Variants in CADPS observed in about 807,000 individuals in gnomAD.
CADPS encodes the protein calcium dependent secretion activator.
In CADPS, 57 loss-of-function variants were observed where a neutral mutation model predicts 167.3. The observed-to-expected ratio is 0.34, with a 90% CI of 0.28 to 0.42. The LOEUF (loss-of-function observed/expected upper bound fraction) is 0.42. Ranked by LOEUF, CADPS falls within the 20% of genes least tolerant of loss-of-function variation. CADPS has a pLI of 1.00. For synonymous variants in CADPS, 676 were observed against 635.3 expected (o/e 1.06, Z -0.96); for missense variants, 1,414 against 1,738.1 (o/e 0.81, Z 3.32).
At chr3:62,587,753 A>G (rs1048922045) in intron 7 of CADPS, among the ~76,000 whole-genome samples, 4 of 152,188 alleles carry the variant, frequency 2.6e-5, no homozygotes, top group Non-Finnish European at 5.9e-5. Flanking sequence ...CGGCTATGCC[A>G]CAAAGACTTT....
intron 24 of CADPS, among the ~76,000 whole-genome samples, chr3:62,471,564 G>A (rs2060624365): frequency 6.6e-6 from 1 of 152,110 alleles, no homozygotes; most frequent in South Asian, 2.1e-4. Flanking sequence ...GGCTTGTTTG[G>A]AAGAATTGTT....
At chr3:62,731,193 T>A (rs934121529) in intron 3 of CADPS, among the ~76,000 whole-genome samples, 1 of 152,202 alleles carries the variant, frequency 6.6e-6, no homozygotes, top group African/African-American at 2.4e-5. Context: ...GTCTCCTGTA[T>A]AAAAGTTGTG....
intron 26 of CADPS, 145 bp from the exon 27 acceptor site, chr3:62,445,942 ATC>A (rs898037245): frequency 6.0e-6 from 3 of 503,196 alleles, no homozygotes; most frequent in Non-Finnish European, 6.7e-6. Context: ...AGAAAATAAA[ATC>A]TGTTTGCTAT....
At chr3:62,810,409 AATCATC>A (rs748623689) in intron 1 of CADPS, among the ~76,000 whole-genome samples, 3 of 152,112 alleles carry the variant, frequency 2.0e-5, no homozygotes, top group Non-Finnish European at 2.9e-5. Flanking sequence ...TTATTAATAT[AATCATC>A]ATCATCATTC....
chr3:62,491,549 A>T lies in CADPS; in HGVS notation c.2885-69T>A, dbSNP rs1159697556. 8.4e-5 allele frequency: 75 copies of T among 894,092 alleles called. No homozygotes were observed. In the African/African-American group the frequency reaches 1.5e-3, roughly 18 times the overall value. The allele number at this position is 894,092 out of a possible 1,614,324, so 55.4% of individuals were successfully genotyped here. A position where few individuals can be genotyped will look rare whatever the true frequency, so the allele number is the denominator to read the frequency against. Reference sequence around the variant, plus strand: ...TTATCAACGTACAACACACACACACACACACACAAACACACACACACACAC... The same window carrying T: ...TTATCAACGTACAACACACACACACTCACACACAAACACACACACACACAC... On this transcript the variant is annotated intron_variant, in intron 20 of 29. Transcript: ENST00000383710.
At chr3:62,738,175 G>A (rs951817630) in intron 3 of CADPS, among the ~76,000 whole-genome samples, 1 of 152,068 alleles carries the variant, frequency 6.6e-6, no homozygotes, top group Non-Finnish European at 1.5e-5. Flanking sequence ...GTTTCTATGA[G>A]GTTTTGCTGA....
rs1483537486 is a variant in CADPS, at chr3:62,492,461, A to G, written c.2728-15T>C. The G allele has an allele frequency of 1.2e-6, 2 of 1,610,978 alleles. No homozygotes were observed. Among genetic ancestry groups the G allele is most frequent in the African/African-American group, 2.7e-5 (2 of 74,962 alleles). On this transcript the variant is annotated splice_polypyrimidine_tract_variant and intron_variant, in intron 19 of 29. Coordinates refer to ENST00000383710, the MANE Select transcript of CADPS (RefSeq NM_003716.4). Reference sequence around the variant, plus strand: ...CACGCAAAGGCCTTTAAAATTTGGCAGAAAAACAATAGACAAAGAAGTGAT... The same window carrying G: ...CACGCAAAGGCCTTTAAAATTTGGCGGAAAAACAATAGACAAAGAAGTGAT...
At chr3:62,646,206 G>T (rs1478100630) in intron 5 of CADPS, among the ~76,000 whole-genome samples, 1 of 145,108 alleles carries the variant, frequency 6.9e-6, no homozygotes, top group African/African-American at 2.6e-5. Flanking sequence ...CTGTCACCCA[G>T]GCTGGAGTGG....
intron 6 of CADPS, among the ~76,000 whole-genome samples, chr3:62,612,483 A>G (rs2061638116): frequency 6.6e-6 from 1 of 152,192 alleles, no homozygotes; most frequent in African/African-American, 2.4e-5. Flanking sequence ...CCCCTTCCCC[A>G]TTCATCCCTT....
chr3:62,584,467 T>C (rs1420622301), intron 8 of CADPS, among the ~76,000 whole-genome samples: 1 of 152,204 alleles, frequency 6.6e-6, no homozygotes, highest in African/African-American at 2.4e-5. Flanking sequence ...AAACACTCCA[T>C]TCCCTTCTAC....
At chr3:62,546,175 A>G (rs2076420330) in intron 11 of CADPS, among the ~76,000 whole-genome samples, 1 of 150,920 alleles carries the variant, frequency 6.6e-6, no homozygotes, top group Non-Finnish European at 1.5e-5. Flanking sequence ...TCTGTGATTG[A>G]CTTAATTTTT....
At chr3:62,686,122 T>G (rs1048126280) in intron 3 of CADPS, among the ~76,000 whole-genome samples, 2 of 152,032 alleles carry the variant, frequency 1.3e-5, no homozygotes, top group Non-Finnish European at 2.9e-5. Context: ...TATGTGTCAA[T>G]TAAACAAATT....
At chr3:62,467,476 C>T (rs1438786455) in intron 24 of CADPS, among the ~76,000 whole-genome samples, 1 of 152,044 alleles carries the variant, frequency 6.6e-6, no homozygotes, top group African/African-American at 2.4e-5. Flanking sequence ...ATTCTGATAA[C>T]TGGCAATCAG....
chr3:62,702,439 G>A (rs1298780522), intron 3 of CADPS, among the ~76,000 whole-genome samples: 1 of 152,112 alleles, frequency 6.6e-6, no homozygotes, highest in African/African-American at 2.4e-5. Flanking sequence ...AGGCCTGGGA[G>A]ACTCTGCAGG....
intron 1 of CADPS, among the ~76,000 whole-genome samples, chr3:62,792,722 A>G (rs957208257): frequency 2.0e-5 from 3 of 152,102 alleles, no homozygotes; most frequent in African/African-American, 7.2e-5. Context: ...TAGCTTCCCA[A>G]GTAGCTAGCA....
chr3:62,494,669 ATTTT>A lies in CADPS; in HGVS notation c.2707-1008_2707-1005del, dbSNP rs56153630. Among the ~76,000 whole-genome samples the A allele has an allele frequency of 5.1e-5, 6 of 118,604 alleles. No homozygotes were observed. In the East Asian group the frequency reaches 7.4e-4, roughly 15 times the overall value. 77.8% of individuals were successfully genotyped at this position (118,604 alleles called of 152,430 possible). Reference sequence around the variant, plus strand: ...ACCTCATACCTGGCTCTTACCAGCAATTTTTTTTTTTTTTTTGGACGGAGTTTTG... The same window carrying A: ...ACCTCATACCTGGCTCTTACCAGCAATTTTTTTTTTTTGGACGGAGTTTTG... On this transcript the variant is annotated intron_variant, in intron 18 of 29. Transcript: ENST00000383710.
At position 62,732,118 on chromosome 3, in the gene CADPS, C is replaced by G. The variant is rs771297430; in HGVS notation, c.888+21323G>C. ...GGCATTTGTGGTAGGTAGCTTCTAA[C>G]AGGCTCCTAATTTTCTCTGCCTTGG... On this transcript the variant is annotated intron_variant, in intron 3 of 29. Coordinates refer to ENST00000383710, the MANE Select transcript of CADPS (RefSeq NM_003716.4). Among the ~76,000 whole-genome samples, 96 of 152,278 alleles carry G rather than the reference C, an allele frequency of 6.3e-4. 1 individual carries two copies. Among genetic ancestry groups the G allele is most frequent in the Non-Finnish European group, 8.8e-4 (60 of 68,024 alleles).
intron 4 of CADPS, among the ~76,000 whole-genome samples, chr3:62,651,367 A>G (rs1380924602): frequency 6.6e-6 from 1 of 152,200 alleles, no homozygotes; most frequent in Admixed American, 6.5e-5. Context: ...TCCTTCAGCA[A>G]ATTTGATTTG....
At position 62,491,491 on chromosome 3, in the gene CADPS, T is replaced by C. The variant is rs933294576; in HGVS notation, c.2885-11A>G. 7 of 1,612,364 alleles carry C rather than the reference T, an allele frequency of 4.3e-6. No individual in the cohort carries two copies. The Admixed American group carries it at 1.2e-4, about 27-fold the overall frequency. Reference sequence around the variant, plus strand: ...CATTGCACAAATTATCTAGAACAGATAAGCAAAAGCTTGTTAAGAACCCAC... The same window carrying C: ...CATTGCACAAATTATCTAGAACAGACAAGCAAAAGCTTGTTAAGAACCCAC... On this transcript the variant is annotated splice_polypyrimidine_tract_variant and intron_variant, in intron 20 of 29. Transcript: ENST00000383710.
Sources: gnomAD v4.1 joint callset for allele counts (sites outside exome capture counted in the v4.1 genomes callset) on GRCh38, gnomAD v4.1.1 for gene constraint, MANE v1.5 for transcripts, NCBI Gene and HGNC (gene_info 2026-07-23, HGNC 2026-07-21) for gene names.